The following SHISA9 variants were observed in gnomAD, a reference collection of about 807,000 sequenced individuals.
SHISA9 encodes the protein protein shisa-9.
Under a neutral mutation model 38.0 loss-of-function variants are expected in SHISA9, and 13 were observed. The ratio of observed to expected loss-of-function variants is 0.34; its 90% CI spans 0.22 to 0.54. The LOEUF is 0.54. Ranked by LOEUF, SHISA9 falls within the 20% of genes least tolerant of loss-of-function variation. SHISA9 has a pLI of 0.91. For missense variants in SHISA9, 538 were observed against 575.8 expected, an observed-to-expected ratio of 0.93 and a Z score of 0.67; for synonymous variants, 275 against 242.0, an observed-to-expected ratio of 1.14 and a Z score of -1.27.
intron 2 of SHISA9, among the ~76,000 whole-genome samples, chr16:12,965,437 A>G (rs949468421): frequency 6.6e-6 from 1 of 151,954 alleles, no homozygotes; most frequent in Non-Finnish European, 1.5e-5. Context: ...GCAACTACCG[A>G]TCTCCTTTCT....
At chr16:13,023,550 G>T (rs912886467) in intron 2 of SHISA9, among the ~76,000 whole-genome samples, 24 of 152,144 alleles carry the variant, frequency 1.6e-4, no homozygotes, top group Admixed American at 4.6e-4. Context: ...TGGGATTGCT[G>T]GGTCAAATGG....
chr16:13,474,537 G>C, the SHISA9 span, among the ~76,000 whole-genome samples: 2 of 152,154 alleles, frequency 1.3e-5, no homozygotes, highest in African/African-American at 4.8e-5. Flanking sequence ...ACTGTTCTAG[G>C]TACTGTGGAC....
At chr16:13,289,267 A>G in the SHISA9 span, among the ~76,000 whole-genome samples, 1 of 150,464 alleles carries the variant, frequency 6.6e-6, no homozygotes, top group Admixed American at 6.7e-5. Context: ...AAAGGTGGGC[A>G]GATGACATTG....
intron 2 of SHISA9, among the ~76,000 whole-genome samples, chr16:12,969,015 A>T (rs1346387093): frequency 6.6e-6 from 1 of 151,734 alleles, no homozygotes; most frequent in Non-Finnish European, 1.5e-5. Flanking sequence ...CAATTAGCTG[A>T]ACGTGGTGGT....
At chr16:13,251,843 C>T in the SHISA9 span, among the ~76,000 whole-genome samples, 1 of 152,118 alleles carries the variant, frequency 6.6e-6, no homozygotes, top group Non-Finnish European at 1.5e-5. Context: ...GTAGTAATTC[C>T]AGGTCTAGGA....
At chr16:12,984,835 G>A (rs1007430958) in intron 2 of SHISA9, among the ~76,000 whole-genome samples, 1 of 152,120 alleles carries the variant, frequency 6.6e-6, no homozygotes, top group Non-Finnish European at 1.5e-5. Context: ...CACCCTATAT[G>A]GGAGTAAGTC....
At chr16:13,027,101 T>C (rs970559716) in intron 2 of SHISA9, among the ~76,000 whole-genome samples, 1 of 152,208 alleles carries the variant, frequency 6.6e-6, no homozygotes, top group Non-Finnish European at 1.5e-5. Flanking sequence ...CAACGAAAAC[T>C]TTGGGGATCC....
At chr16:12,937,410 A>G (rs1276604346) in intron 2 of SHISA9, among the ~76,000 whole-genome samples, 3 of 152,348 alleles carry the variant, frequency 2.0e-5, no homozygotes, top group African/African-American at 4.8e-5. Context: ...AAGATATTCT[A>G]TGCATTTACT....
the SHISA9 span, among the ~76,000 whole-genome samples, chr16:13,397,041 T>G: frequency 6.6e-6 from 1 of 152,238 alleles, no homozygotes; most frequent in Non-Finnish European, 1.5e-5. Flanking sequence ...ACCTTTATGA[T>G]GATCCACTTC....
At chr16:13,386,944 T>C in the SHISA9 span, among the ~76,000 whole-genome samples, 1 of 152,236 alleles carries the variant, frequency 6.6e-6, no homozygotes, top group Non-Finnish European at 1.5e-5. Flanking sequence ...GGGCTACATA[T>C]GAGAAATAGA....
At position 13,005,876 on chromosome 16, in the gene SHISA9, G is replaced by A. The variant is rs555521164; in HGVS notation, c.691+89061G>A. Reference sequence around the variant, plus strand: ...GGGACTGTTGCCTGTTTAGAAAGGCGTTGCTGCCACATGGCGGTTCTTGGG... The same window carrying A: ...GGGACTGTTGCCTGTTTAGAAAGGCATTGCTGCCACATGGCGGTTCTTGGG... On this transcript the variant is annotated intron_variant, in intron 2 of 4. Coordinates refer to ENST00000558583, the MANE Select transcript of SHISA9 (RefSeq NM_001145204.3). Among the ~76,000 whole-genome samples the A allele has an allele frequency of 2.2e-3, 341 of 152,332 alleles. 1 individual carries two copies. Among genetic ancestry groups the A allele is most frequent in the African/African-American group, 7.4e-3 (307 of 41,572 alleles).
chr16:13,201,346 T>C (rs1368595936), intron 2 of SHISA9, among the ~76,000 whole-genome samples: 1 of 136,452 alleles, frequency 7.3e-6, no homozygotes, highest in Non-Finnish European at 1.6e-5. Flanking sequence ...TTAAGTCATC[T>C]CTAGATTACT....
chr16:13,556,556 G>T, the SHISA9 span, among the ~76,000 whole-genome samples: 1 of 152,046 alleles, frequency 6.6e-6, no homozygotes, highest in African/African-American at 2.4e-5. Flanking sequence ...CCAGCTACTA[G>T]GGAGGCTGAG....
chr16:13,347,614 C>T, the SHISA9 span, among the ~76,000 whole-genome samples: 2 of 152,136 alleles, frequency 1.3e-5, no homozygotes, highest in African/African-American at 2.4e-5. Flanking sequence ...GAACTTGGCT[C>T]AACTAAAATT....
intron 2 of SHISA9, among the ~76,000 whole-genome samples, chr16:13,108,965 C>G (rs536885441): frequency 2.0e-5 from 3 of 152,226 alleles, no homozygotes; most frequent in South Asian, 2.1e-4. Flanking sequence ...ATTGTTTTCT[C>G]CAGGGGTGTG....
intron 2 of SHISA9, among the ~76,000 whole-genome samples, chr16:13,078,993 A>G (rs2073616246): frequency 6.6e-6 from 1 of 152,220 alleles, no homozygotes; most frequent in Non-Finnish European, 1.5e-5. Flanking sequence ...CAGCAGCCAG[A>G]CAGCCTGGGT....
At chr16:13,057,870 CA>C (rs1299506437) in intron 2 of SHISA9, among the ~76,000 whole-genome samples, 4 of 152,110 alleles carry the variant, frequency 2.6e-5, no homozygotes, top group African/African-American at 9.7e-5. Flanking sequence ...TCTCATTGTT[CA>C]GCTCCCACTT....
At chr16:13,339,962 A>G in the SHISA9 span, among the ~76,000 whole-genome samples, 1 of 152,182 alleles carries the variant, frequency 6.6e-6, no homozygotes, top group East Asian at 1.9e-4. Context: ...GGACTCTGCT[A>G]TTATTTCTTT....
the SHISA9 span, among the ~76,000 whole-genome samples, chr16:13,430,811 T>A: frequency 2.0e-5 from 3 of 151,676 alleles, no homozygotes; most frequent in African/African-American, 7.3e-5. Flanking sequence ...CCCAGCTACT[T>A]GGGAGGTCAA....
Sources: gnomAD v4.1 joint callset for allele counts (sites outside exome capture counted in the v4.1 genomes callset) on GRCh38, gnomAD v4.1.1 for gene constraint, MANE v1.5 for transcripts, NCBI Gene and HGNC (gene_info 2026-07-23, HGNC 2026-07-21) for gene names.